The following L3MBTL4 variants were observed in gnomAD, a reference collection of about 807,000 sequenced individuals.
L3MBTL4 encodes the protein lethal(3)malignant brain tumor-like protein 4.
In L3MBTL4, 70 loss-of-function variants were observed where a neutral mutation model predicts 84.5. That is an observed-to-expected ratio of 0.83 (90% CI 0.68 to 1.01). The LOEUF (loss-of-function observed/expected upper bound fraction) is 1.01, where lower values mean the gene tolerates loss of function less well. Ranked by LOEUF, L3MBTL4 falls within the 50% of genes least tolerant of loss-of-function variation. The pLI is 0.00. For synonymous variants in L3MBTL4, 274 were observed against 259.8 expected, an observed-to-expected ratio of 1.05 and a Z score of -0.52; for missense variants, 715 against 754.8, an observed-to-expected ratio of 0.95 and a Z score of 0.62.
chr18:5,986,128 A>G (rs1366266463), intron 16 of L3MBTL4, among the ~76,000 whole-genome samples: 1 of 152,190 alleles, frequency 6.6e-6, no homozygotes, highest in Non-Finnish European at 1.5e-5. Context: ...AGGTGCTGAG[A>G]GGCCGAAAGA....
At chr18:6,112,739 G>C (rs923001700) in intron 14 of L3MBTL4, among the ~76,000 whole-genome samples, 2 of 151,894 alleles carry the variant, frequency 1.3e-5, no homozygotes, top group Non-Finnish European at 2.9e-5. Flanking sequence ...CTCATTATTT[G>C]GAAGTTTAAA....
chr18:6,114,847 G>A (rs1466649820), intron 14 of L3MBTL4, among the ~76,000 whole-genome samples: 1 of 152,210 alleles, frequency 6.6e-6, no homozygotes, highest in Non-Finnish European at 1.5e-5. Flanking sequence ...CTTCAGTGCT[G>A]AGGGAGGATG....
intron 1 of L3MBTL4, among the ~76,000 whole-genome samples, chr18:6,351,654 C>T (rs963496188): frequency 4.6e-5 from 7 of 151,978 alleles, no homozygotes; most frequent in South Asian, 2.1e-4. Context: ...CGGGTTCACG[C>T]CATTCTCCTG....
At position 6,311,562 on chromosome 18, in the gene L3MBTL4, C is replaced by T. The variant is rs777141155; in HGVS notation, c.64G>A (p.Gly22Arg). The change falls in exon 3 of 19, where the codon GGA (glycine) becomes AGA (arginine). Residue 22 changes from glycine to arginine, a missense_variant. Physicochemically the swap from Gly to Arg is moderately radical, Grantham distance 125. Coordinates refer to ENST00000317931, the MANE Select transcript of L3MBTL4 (RefSeq NM_001330559.2). ...AGGGATGGACATCTTACCAAGCGTC[C>T]GTCCTGATCCAAACGCTCTTTGGAA... ...MDSKERLDQD[G>R]RLEQAEEEKK... The T allele has an allele frequency of 3.0e-5, 48 of 1,612,738 alleles. No homozygotes were observed. The highest frequency in any genetic ancestry group is 2.0e-4 in the Admixed American group (12 of 59,968).
intron 1 of L3MBTL4, among the ~76,000 whole-genome samples, chr18:6,372,999 T>G (rs1333514856): frequency 6.6e-6 from 1 of 152,206 alleles, no homozygotes; most frequent in Non-Finnish European, 1.5e-5. Flanking sequence ...ATACACTATT[T>G]TTTCCTTTTT....
intron 16 of L3MBTL4, among the ~76,000 whole-genome samples, chr18:5,992,828 C>T (rs762845836): frequency 2.2e-4 from 33 of 152,222 alleles, no homozygotes; most frequent in African/African-American, 8.0e-4. Flanking sequence ...CAGGTGCCGT[C>T]GCCATGCTTC....
intron 12 of L3MBTL4, among the ~76,000 whole-genome samples, chr18:6,173,787 T>A (rs556372160): frequency 6.6e-6 from 1 of 151,712 alleles, no homozygotes; most frequent in Non-Finnish European, 1.5e-5. Flanking sequence ...CTCAATAAAG[T>A]GGGGGACCAA....
chr18:6,028,285 T>C (rs1259376196), intron 16 of L3MBTL4, among the ~76,000 whole-genome samples: 1 of 152,234 alleles, frequency 6.6e-6, no homozygotes, highest in Admixed American at 6.5e-5. Flanking sequence ...GCACCATTTA[T>C]TAAATAGGGA....
chr18:6,203,720 C>A (rs1164147499), intron 12 of L3MBTL4, among the ~76,000 whole-genome samples: 4 of 152,196 alleles, frequency 2.6e-5, no homozygotes, highest in African/African-American at 9.7e-5. Flanking sequence ...AGTGCACATA[C>A]AAACCAGGTG....
At chr18:6,109,880 T>C (rs538067787) in intron 14 of L3MBTL4, among the ~76,000 whole-genome samples, 204 of 152,176 alleles carry the variant, frequency 1.3e-3, no homozygotes, top group African/African-American at 4.7e-3. Context: ...AAAAGAGAAG[T>C]GGAAGGTCAG....
At chr18:6,393,626 C>T (rs1254512634) in intron 1 of L3MBTL4, among the ~76,000 whole-genome samples, 1 of 152,150 alleles carries the variant, frequency 6.6e-6, no homozygotes, top group African/African-American at 2.4e-5. Context: ...CCATGGGGGG[C>T]TCCTCTCTCT....
chr18:6,373,514 C>T (rs1048727067), intron 1 of L3MBTL4, among the ~76,000 whole-genome samples: 10 of 152,106 alleles, frequency 6.6e-5, no homozygotes, highest in African/African-American at 2.4e-4. Context: ...TCCTATCTGC[C>T]CTGCACACAC....
chr18:6,294,085 T>C (rs2049985601), intron 4 of L3MBTL4, among the ~76,000 whole-genome samples: 1 of 152,162 alleles, frequency 6.6e-6, no homozygotes, highest in South Asian at 2.1e-4. Flanking sequence ...GGGCAGGGCA[T>C]GTTCTTATAT....
intron 12 of L3MBTL4, among the ~76,000 whole-genome samples, chr18:6,183,730 G>A (rs1046699974): frequency 9.9e-5 from 15 of 152,208 alleles, no homozygotes; most frequent in Non-Finnish European, 8.8e-5. Context: ...ATATTTTTGA[G>A]AGTAAAAGGG....
At chr18:6,157,631 C>T (rs1205085725) in intron 13 of L3MBTL4, among the ~76,000 whole-genome samples, 1 of 152,032 alleles carries the variant, frequency 6.6e-6, no homozygotes, top group South Asian at 2.1e-4. Flanking sequence ...ATGAACTATA[C>T]CTTTTATCAA....
intron 16 of L3MBTL4, among the ~76,000 whole-genome samples, chr18:6,022,211 T>C (rs1737378375): frequency 6.6e-6 from 1 of 152,244 alleles, no homozygotes; most frequent in Admixed American, 6.5e-5. Flanking sequence ...CAGCTGCTAT[T>C]ACAAGGCCAT....
intron 13 of L3MBTL4, among the ~76,000 whole-genome samples, chr18:6,144,679 C>G (rs1240437171): frequency 6.6e-6 from 1 of 152,230 alleles, no homozygotes; most frequent in Non-Finnish European, 1.5e-5. Context: ...CCCAGCCTCT[C>G]TTAAATCTGG....
chr18:6,295,356 A>C (rs1231696315), intron 4 of L3MBTL4, among the ~76,000 whole-genome samples: 71 of 143,376 alleles, frequency 5.0e-4, no homozygotes, highest in Admixed American at 1.2e-3. Context: ...CTATATATAT[A>C]TATATATATA....
chr18:6,300,400 G>A (rs892817888), intron 4 of L3MBTL4, among the ~76,000 whole-genome samples: 14 of 152,088 alleles, frequency 9.2e-5, no homozygotes, highest in South Asian at 2.1e-4. Flanking sequence ...GCCACGGTGC[G>A]AACTTTTGAC....
Sources: allele counts gnomAD v4.1 joint callset (sites outside exome capture counted in the v4.1 genomes callset), GRCh38; gene constraint gnomAD v4.1.1; transcripts MANE v1.5; gene names NCBI Gene and HGNC (gene_info 2026-07-23, HGNC 2026-07-21).